Variants in PDE4B observed in about 807,000 individuals in gnomAD.
The protein encoded by PDE4B is 3',5'-cyclic-AMP phosphodiesterase 4B.
A neutral mutation model predicts 82.2 loss-of-function variants in PDE4B; 20 were observed. The ratio of observed to expected loss-of-function variants is 0.24; its 90% CI spans 0.17 to 0.35. PDE4B has a LOEUF of 0.35. Ranked by LOEUF, PDE4B falls within the 10% of genes least tolerant of loss-of-function variation. The pLI is 1.00. For synonymous variants in PDE4B, 320 were observed against 318.9 expected (o/e 1.00, Z -0.04); for missense variants, 655 against 907.2 (o/e 0.72, Z 3.57).
At chr1:65,948,363 G>A (rs140954570) in intron 3 of PDE4B, among the ~76,000 whole-genome samples, 1 of 151,790 alleles carries the variant, frequency 6.6e-6, no homozygotes, top group South Asian at 2.1e-4. Context: ...TGATCACAAG[G>A]TCCCACAATA....
At chr1:65,822,398 C>T (rs1465087246) in intron 1 of PDE4B, among the ~76,000 whole-genome samples, 1 of 152,120 alleles carries the variant, frequency 6.6e-6, no homozygotes, top group Non-Finnish European at 1.5e-5. Context: ...ACATTTTCAA[C>T]TTTGCAAAAT....
intron 1 of PDE4B, among the ~76,000 whole-genome samples, chr1:65,885,123 C>T (rs1381263102): frequency 2.6e-5 from 4 of 152,206 alleles, no homozygotes; most frequent in African/African-American, 9.7e-5. Flanking sequence ...CTCATCATCA[C>T]TGGCCATCAG....
chr1:66,299,780 G>T (rs1262599800), intron 7 of PDE4B, among the ~76,000 whole-genome samples: 1 of 152,040 alleles, frequency 6.6e-6, no homozygotes, highest in African/African-American at 2.4e-5. Flanking sequence ...CTCACTCATT[G>T]TGACATTAGC....
At chr1:66,270,720 T>C (rs889284322) in intron 7 of PDE4B, among the ~76,000 whole-genome samples, 1 of 151,874 alleles carries the variant, frequency 6.6e-6, no homozygotes, top group African/African-American at 2.4e-5. Context: ...ATAAAATCAA[T>C]CTTGTGACCA....
At chr1:66,024,426 G>A (rs187410025) in intron 3 of PDE4B, among the ~76,000 whole-genome samples, 1 of 152,058 alleles carries the variant, frequency 6.6e-6, no homozygotes, top group Non-Finnish European at 1.5e-5. Context: ...GATATGGAAA[G>A]CTTGCTACCC....
chr1:66,356,083 T>C (rs2102007284), intron 9 of PDE4B, among the ~76,000 whole-genome samples: 1 of 152,362 alleles, frequency 6.6e-6, no homozygotes, highest in South Asian at 2.1e-4. Flanking sequence ...CTATAGTGAT[T>C]TGGTCCTTGA....
At chr1:65,907,097 T>C (rs887292262) in intron 1 of PDE4B, among the ~76,000 whole-genome samples, 2 of 152,182 alleles carry the variant, frequency 1.3e-5, no homozygotes, top group African/African-American at 4.8e-5. Flanking sequence ...TATACTTTTT[T>C]CCCCTCAAAT....
chr1:65,883,398 A>C (rs1646732944), intron 1 of PDE4B, among the ~76,000 whole-genome samples: 1 of 152,060 alleles, frequency 6.6e-6, no homozygotes, highest in African/African-American at 2.4e-5. Flanking sequence ...ATTCCTAGGT[A>C]TTTTATTCTC....
chr1:66,252,357 T>G (rs1653854508), intron 4 of PDE4B, among the ~76,000 whole-genome samples: 1 of 152,164 alleles, frequency 6.6e-6, no homozygotes, highest in Non-Finnish European at 1.5e-5. Context: ...AACCCTTTAA[T>G]TATGGATGCC....
At chr1:66,346,288 C>T (rs1043175571) in intron 8 of PDE4B, among the ~76,000 whole-genome samples, 9 of 152,188 alleles carry the variant, frequency 5.9e-5, no homozygotes, top group Admixed American at 5.9e-4. Flanking sequence ...AAAATGCATA[C>T]TTGGTGCAGT....
intron 1 of PDE4B, among the ~76,000 whole-genome samples, chr1:65,818,670 AT>A (rs1235945657): frequency 1.1e-5 from 1 of 91,624 alleles, no homozygotes; most frequent in Non-Finnish European, 2.2e-5. Flanking sequence ...ATACATATAT[AT>A]TCACACACAC....
In PDE4B at chr1:65,995,318, CA is replaced by C. The variant is rs1293379234; in HGVS notation, c.281+76486del. Among the ~76,000 whole-genome samples, 5 of 152,190 alleles carry C rather than the reference CA, an allele frequency of 3.3e-5. No homozygotes were observed. The East Asian group carries it at 9.6e-4, about 29-fold the overall frequency. On this transcript the variant is annotated intron_variant, in intron 3 of 16. Transcript: ENST00000341517. ...ATCTGAATACATGCTTAACATTTTT[CA>C]AATTTATTTTCATACAACATGCAAT...
intron 1 of PDE4B, among the ~76,000 whole-genome samples, chr1:65,853,671 A>C (rs567390733): frequency 7.2e-4 from 110 of 152,130 alleles, no homozygotes; most frequent in Non-Finnish European, 4.9e-4. Flanking sequence ...CTGGGACTAC[A>C]GGCATGCACC....
chr1:66,025,847 C>CT (rs1158145477), intron 3 of PDE4B, among the ~76,000 whole-genome samples: 3 of 152,190 alleles, frequency 2.0e-5, no homozygotes, highest in African/African-American at 7.2e-5. Flanking sequence ...AAGGTTTGTG[C>CT]TTTAAGTTTA....
At chr1:66,028,716 A>G (rs1653592288) in intron 3 of PDE4B, among the ~76,000 whole-genome samples, 1 of 152,152 alleles carries the variant, frequency 6.6e-6, no homozygotes, top group Admixed American at 6.5e-5. Context: ...TCAAAGTTCC[A>G]CAAATCTCTA....
At chr1:65,987,227 A>G (rs1469330871) in intron 3 of PDE4B, among the ~76,000 whole-genome samples, 1 of 152,180 alleles carries the variant, frequency 6.6e-6, no homozygotes, top group Non-Finnish European at 1.5e-5. Flanking sequence ...TCTAGGATAC[A>G]AGCCTCCCAC....
chr1:66,220,441 G>A (rs1363138937), intron 3 of PDE4B, among the ~76,000 whole-genome samples: 1 of 152,160 alleles, frequency 6.6e-6, no homozygotes, highest in Non-Finnish European at 1.5e-5. Flanking sequence ...TCTTAATGCA[G>A]TATGAAGTTG....
At chr1:66,271,211 A>G (rs905754455) in intron 7 of PDE4B, among the ~76,000 whole-genome samples, 1 of 152,262 alleles carries the variant, frequency 6.6e-6, no homozygotes, top group Non-Finnish European at 1.5e-5. Context: ...CACCCTGCTT[A>G]TTATGGTTAT....
intron 8 of PDE4B, among the ~76,000 whole-genome samples, chr1:66,337,211 C>T (rs1660592297): frequency 6.6e-6 from 1 of 152,220 alleles, no homozygotes; most frequent in Non-Finnish European, 1.5e-5. Context: ...GCATAAGATG[C>T]ATCCATTTGC....
Sources: allele counts gnomAD v4.1 joint callset (sites outside exome capture counted in the v4.1 genomes callset), GRCh38; gene constraint gnomAD v4.1.1; transcripts MANE v1.5; gene names NCBI Gene and HGNC (gene_info 2026-07-23, HGNC 2026-07-21).